The following TCF25 variants were observed in gnomAD, a reference collection of about 807,000 sequenced individuals.
TCF25 encodes the protein ribosome quality control complex subunit TCF25.
Under a neutral mutation model 83.1 loss-of-function variants are expected in TCF25, and 41 were observed. That is an observed-to-expected ratio of 0.49 (90% CI 0.38 to 0.64). TCF25 has a LOEUF of 0.64. Among genes scored for constraint, TCF25 ranks in the 30% least tolerant of loss-of-function variants. TCF25 has a pLI of 0.00. For synonymous variants in TCF25, 458 were observed against 365.0 expected, an observed-to-expected ratio of 1.25 and a Z score of -2.90; for missense variants, 979 against 914.5, an observed-to-expected ratio of 1.07 and a Z score of -0.91.
At chr16:89,906,624 G>A (rs1028509793) in intron 15 of TCF25, among the ~76,000 whole-genome samples, 9 of 152,214 alleles carry the variant, frequency 5.9e-5, no homozygotes, top group Non-Finnish European at 1.5e-5. Context: ...CGCCTCCTGT[G>A]CTGGAGGTGC....
At chr16:89,909,064 C>T (rs879178472) in intron 16 of TCF25, 24 of 1,289,394 alleles carry the variant, frequency 1.9e-5, no homozygotes, top group African/African-American at 6.1e-5. Flanking sequence ...CAAGCGCTTG[C>T]GTGTCGGCCT....
At chr16:89,883,586 C>CTGTGATTTTCCTTGGAGG (rs1662587059) in intron 2 of TCF25, 74 bp downstream of exon 2, 1 of 1,458,554 alleles carries the variant, frequency 6.9e-7, no homozygotes, top group Non-Finnish European at 9.2e-7. Flanking sequence ...GTATCCTGTG[C>CTGTGATTTTCCTTGGAGG]TGTGATTTTC....
In TCF25 at chr16:89,905,514, C is replaced by T. The variant is rs553307699; in HGVS notation, c.1628+418C>T. Among the ~76,000 whole-genome samples the T allele has an allele frequency of 5.8e-4, 88 of 152,300 alleles. No homozygotes were observed. The South Asian group carries it at 0.017, about 29-fold the overall frequency. Reference sequence around the variant, plus strand: ...TAATATGCTGCAACTGACAGGCATCCCCTTGCTGTTCTTGTCTCGTTTGTC... The same window carrying T: ...TAATATGCTGCAACTGACAGGCATCTCCTTGCTGTTCTTGTCTCGTTTGTC... On this transcript the variant is annotated intron_variant, in intron 14 of 17. Transcript: ENST00000263346.
Position 89,873,878 on chromosome 16 carries a change from C to A in TCF25, c.192+19C>A. 1 of 386,076 alleles carries A rather than the reference C, an allele frequency of 2.6e-6. No individual in the cohort carries two copies. The allele number at this position is 386,076 out of a possible 1,614,324, so 23.9% of individuals were successfully genotyped here. On this transcript the variant is annotated intron_variant, in intron 1 of 17. Transcript: ENST00000263346. Reference sequence around the variant, plus strand: ...CGAGCTGGTGAGGAGCGCGGCGGCCCGGGTGGGGGTGGGGTGGCCCTTGAC... The same window carrying A: ...CGAGCTGGTGAGGAGCGCGGCGGCCAGGGTGGGGGTGGGGTGGCCCTTGAC...
intron 1 of TCF25, chr16:89,878,447 T>A: frequency 8.0e-7 from 1 of 1,244,874 alleles, no homozygotes; most frequent in East Asian, 5.7e-5. Flanking sequence ...TTTTTTTTTT[T>A]TTTTTTTTTT....
chr16:89,885,011 C>G (rs866474727), intron 3 of TCF25, among the ~76,000 whole-genome samples: 15 of 106,314 alleles, frequency 1.4e-4, no homozygotes, highest in African/African-American at 5.0e-4. Context: ...CGCCCTCTCC[C>G]TCTGCCTGAC....
chr16:89,907,996 C>G (rs1597390603), intron 16 of TCF25, among the ~76,000 whole-genome samples: 4 of 138,114 alleles, frequency 2.9e-5, no homozygotes, highest in East Asian at 2.3e-4. Flanking sequence ...CCGCCTCCCA[C>G]CTCCCAGCTA....
At chr16:89,877,300 C>T (rs1387536113) in intron 1 of TCF25, among the ~76,000 whole-genome samples, 2 of 152,008 alleles carry the variant, frequency 1.3e-5, no homozygotes, top group Non-Finnish European at 2.9e-5. Flanking sequence ...AACTCCTGGG[C>T]TCAAACCATC....
intron 16 of TCF25, chr16:89,910,352 G>A (rs1290569674): frequency 1.8e-6 from 1 of 562,822 alleles, no homozygotes; most frequent in Non-Finnish European, 3.2e-6. Context: ...GCCTGCCTCA[G>A]CTGAGTTGGT....
chr16:89,893,210 A>C (rs1324998375), intron 6 of TCF25, among the ~76,000 whole-genome samples: 3 of 152,174 alleles, frequency 2.0e-5, no homozygotes, highest in Non-Finnish European at 4.4e-5. Flanking sequence ...TTATCAGAAG[A>C]AACTGGGTCC....
Position 89,898,855 on chromosome 16 carries a change from C to G in TCF25, c.1204C>G (p.Leu402Val). 1 of 1,613,864 alleles carries G rather than the reference C, an allele frequency of 6.2e-7. No homozygotes were observed. Among genetic ancestry groups the G allele is most frequent in the Non-Finnish European group, 8.5e-7 (1 of 1,180,048 alleles). Residue 402 changes from leucine (L) to valine (V), a missense_variant, in exon 11 of 18, where the codon CTC becomes GTC. By Grantham distance (32) the Leu-to-Val change is conservative. Transcript: ENST00000263346. ...RARNYEYLIR[L>V]FQEWEAHRNL... ...CCGGAACTACGAGTACCTGATCCGCCTCTTCCAGGAGTGGGAGGTGGGTGC... is the reference window on the plus strand; with the variant it reads ...CCGGAACTACGAGTACCTGATCCGCGTCTTCCAGGAGTGGGAGGTGGGTGC...
At chr16:89,900,248 A>AACTCGCGCGGCAGTGGGCTGCTCTCACAG (rs1386805528) in intron 11 of TCF25, among the ~76,000 whole-genome samples, 1 of 142,032 alleles carries the variant, frequency 7.0e-6, no homozygotes, top group Non-Finnish European at 1.6e-5. Context: ...TGCTCTCGGA[A>AACTCGCGCGGCAGTGGGCTGCTCTCACAG]ACTCGCGCGG....
intron 1 of TCF25, chr16:89,878,568 G>C (rs2042366433): frequency 8.5e-7 from 1 of 1,179,340 alleles, no homozygotes; most frequent in Non-Finnish European, 1.1e-6. Context: ...TCGTGGACAA[G>C]AACCTTGTGA....
chr16:89,874,431 G>C (rs564767722), intron 1 of TCF25: 1 of 153,808 alleles, frequency 6.5e-6, no homozygotes. Context: ...CTCGAGTCTA[G>C]AGGGGCCTTC....
intron 7 of TCF25, 74 bp from the exon 8 acceptor site, chr16:89,894,964 T>TG: frequency 1.4e-6 from 2 of 1,406,454 alleles, no homozygotes; most frequent in Non-Finnish European, 2.0e-6. Flanking sequence ...TTTAAATGTC[T>TG]GAAAAAAAGG....
chr16:89,895,087 G>C lies in TCF25; in HGVS notation c.878G>C (p.Ser293Thr). 6.2e-7 allele frequency: 1 copy of C among 1,613,314 alleles called. No homozygotes were observed. The highest frequency in any genetic ancestry group is 8.5e-7 in the Non-Finnish European group (1 of 1,179,850). The stretch of plus-strand genomic sequence containing the variant: ...CACGTTGACTCACTCCTGCAGCTCA[G>C]CGATGCCTGCCGCTTTCAAGAGGAT... ...PYHVDSLLQL[S>T]DACRFQEDQE... The change falls in exon 8 of 18, where the codon AGC becomes ACC. Residue 293 changes from serine to threonine, a missense_variant. Physicochemically the swap from Ser to Thr is moderately conservative, Grantham distance 58. Transcript: ENST00000263346.
chr16:89,894,651 G>A (rs558119383), intron 7 of TCF25, among the ~76,000 whole-genome samples: 10 of 152,220 alleles, frequency 6.6e-5, no homozygotes, highest in Admixed American at 2.0e-4. Flanking sequence ...GTGTCGACCC[G>A]GTAATTCCCC....
At chr16:89,893,953 T>G in intron 7 of TCF25, 95 bp downstream of exon 7, 11 of 1,488,006 alleles carry the variant, frequency 7.4e-6, no homozygotes, top group Non-Finnish European at 9.1e-6. Context: ...GGAGGCATGC[T>G]GCCTCCTGCC....
chr16:89,878,684 A>G, intron 1 of TCF25: 1 of 1,047,208 alleles, frequency 9.5e-7, no homozygotes, highest in Non-Finnish European at 1.2e-6. Context: ...GCTGTCGCCC[A>G]GGCTGGAGTG....
Sources: allele counts gnomAD v4.1 joint callset (sites outside exome capture counted in the v4.1 genomes callset), GRCh38; gene constraint gnomAD v4.1.1; transcripts MANE v1.5; gene names NCBI Gene and HGNC (gene_info 2026-07-23, HGNC 2026-07-21).